Variants in CYTH1 observed in about 807,000 individuals in gnomAD.
CYTH1 encodes cytohesin-1.
CYTH1 carries 18 observed loss-of-function variants against 61.8 expected under a neutral mutation model. That is an observed-to-expected ratio of 0.29 (90% CI 0.20 to 0.43). CYTH1 has a LOEUF of 0.43. Ranked by LOEUF, CYTH1 falls within the 20% of genes least tolerant of loss-of-function variation. The pLI is 1.00. For synonymous variants in CYTH1, 174 were observed against 184.3 expected, an observed-to-expected ratio of 0.94 and a Z score of 0.45; for missense variants, 336 against 510.5, an observed-to-expected ratio of 0.66 and a Z score of 3.29.
At chr17:78,721,113 T>A (rs2144533726) in intron 1 of CYTH1, among the ~76,000 whole-genome samples, 1 of 152,316 alleles carries the variant, frequency 6.6e-6, no homozygotes. Context: ...GTGGATCACC[T>A]GAGGTCAGGT....
At chr17:78,751,688 G>A (rs1036400272) in intron 1 of CYTH1, among the ~76,000 whole-genome samples, 14 of 152,314 alleles carry the variant, frequency 9.2e-5, no homozygotes, top group African/African-American at 3.4e-4. Flanking sequence ...GCTTTAGTGA[G>A]TAGGAAAATT....
chr17:78,766,893 A>C (rs1429850296), intron 1 of CYTH1, among the ~76,000 whole-genome samples: 6 of 152,326 alleles, frequency 3.9e-5, no homozygotes, highest in African/African-American at 1.4e-4. Context: ...GAGCCTGAGA[A>C]ATCTAGCTTG....
At chr17:78,732,266 T>C (rs189387237) in intron 1 of CYTH1, among the ~76,000 whole-genome samples, 17 of 152,332 alleles carry the variant, frequency 1.1e-4, no homozygotes, top group African/African-American at 4.1e-4. Context: ...ACATCCCTCC[T>C]GTCTAATCAG....
At chr17:78,722,887 G>A (rs1034471432) in intron 1 of CYTH1, among the ~76,000 whole-genome samples, 10 of 152,242 alleles carry the variant, frequency 6.6e-5, no homozygotes, top group Non-Finnish European at 1.3e-4. Context: ...CTAGAGGGGA[G>A]ATCACCCTGA....
intron 11 of CYTH1, among the ~76,000 whole-genome samples, chr17:78,684,910 AAG>A (rs1050066263): frequency 2.0e-5 from 3 of 152,206 alleles, no homozygotes; most frequent in African/African-American, 7.2e-5. Flanking sequence ...TGAAAACATT[AAG>A]AGGTCTGACC....
At chr17:78,764,330 G>C in intron 1 of CYTH1, among the ~76,000 whole-genome samples, 1 of 150,962 alleles carries the variant, frequency 6.6e-6, no homozygotes, top group East Asian at 2.0e-4. Flanking sequence ...CTGAGTAGCT[G>C]GGACTACGGG....
chr17:78,684,282 C>T (rs767889229), intron 11 of CYTH1, among the ~76,000 whole-genome samples: 5 of 152,196 alleles, frequency 3.3e-5, no homozygotes, highest in Non-Finnish European at 7.3e-5. Context: ...CTCACGCTAT[C>T]CCTCAGTGCT....
intron 1 of CYTH1, among the ~76,000 whole-genome samples, chr17:78,725,587 G>A (rs987987264): frequency 2.6e-5 from 4 of 152,124 alleles, no homozygotes; most frequent in African/African-American, 7.2e-5. Context: ...GTTCTGACCC[G>A]TGACTCTCTA....
chr17:78,759,996 C>G (rs1433258638), intron 1 of CYTH1, among the ~76,000 whole-genome samples: 1 of 152,138 alleles, frequency 6.6e-6, no homozygotes, highest in East Asian at 1.9e-4. Flanking sequence ...TTTATTCATT[C>G]ACTCATTCCT....
intron 10 of CYTH1, among the ~76,000 whole-genome samples, chr17:78,692,883 G>A (rs1056137871): frequency 6.6e-6 from 1 of 152,092 alleles, no homozygotes; most frequent in African/African-American, 2.4e-5. Flanking sequence ...CCTAGTGCAG[G>A]CTACTCTGCT....
rs565132250 is a variant in CYTH1, at chr17:78,711,226, C to T, written c.23-1494G>A. 6.0e-5 allele frequency among the ~76,000 whole-genome samples: 9 copies of T among 151,134 alleles called. 1 individual carries two copies. In the East Asian group the frequency reaches 1.7e-3, roughly 29 times the overall value. Reference sequence around the variant, plus strand: ...GCAGTGAGCCGAGATCCCGCCATTGCCCTCCAGCCTGGGAGACAGTACAAG... The same window carrying T: ...GCAGTGAGCCGAGATCCCGCCATTGTCCTCCAGCCTGGGAGACAGTACAAG... On this transcript the variant is annotated intron_variant, in intron 1 of 13. Coordinates refer to ENST00000446868, the MANE Select transcript of CYTH1 (RefSeq NM_004762.6).
At chr17:78,773,326 A>G (rs1441867254) in intron 1 of CYTH1, among the ~76,000 whole-genome samples, 1 of 151,974 alleles carries the variant, frequency 6.6e-6, no homozygotes, top group Non-Finnish European at 1.5e-5. Flanking sequence ...GAAAAATTAT[A>G]GTTTCAAAAA....
At chr17:78,742,885 T>C (rs73389857) in intron 1 of CYTH1, among the ~76,000 whole-genome samples, 4,913 of 152,094 alleles carry the variant, frequency 0.032, 269 homozygotes, top group African/African-American at 0.11. Context: ...AAATAAAAAA[T>C]AAAGTGCTAG....
chr17:78,732,159 C>G (rs887414976), intron 1 of CYTH1, among the ~76,000 whole-genome samples: 2 of 152,206 alleles, frequency 1.3e-5, no homozygotes, highest in African/African-American at 2.4e-5. Flanking sequence ...CTGATAAAGG[C>G]TCTTAATGCC....
chr17:78,747,263 G>A (rs2093363294), intron 1 of CYTH1, among the ~76,000 whole-genome samples: 1 of 152,060 alleles, frequency 6.6e-6, no homozygotes, highest in South Asian at 2.1e-4. Context: ...CCTGGGAGGG[G>A]TGGGAAGATA....
At chr17:78,736,439 G>GACACACACACACATAC (rs2093320421) in intron 1 of CYTH1, among the ~76,000 whole-genome samples, 2 of 150,796 alleles carry the variant, frequency 1.3e-5, no homozygotes, top group African/African-American at 2.4e-5. Flanking sequence ...CTCACTCTCT[G>GACACACACACACATAC]ACACACACAC....
intron 1 of CYTH1, among the ~76,000 whole-genome samples, chr17:78,774,034 C>T (rs941155953): frequency 2.6e-5 from 4 of 152,028 alleles, no homozygotes; most frequent in Admixed American, 2.0e-4. Flanking sequence ...TTTGTAACCA[C>T]CAAATTCAGT....
intron 10 of CYTH1, among the ~76,000 whole-genome samples, chr17:78,693,501 AG>A (rs1452621862): frequency 2.0e-5 from 3 of 152,016 alleles, no homozygotes; most frequent in Non-Finnish European, 1.5e-5. Flanking sequence ...ACATGCCTAT[AG>A]TTCCAGCTAC....
At position 78,729,531 on chromosome 17, in the gene CYTH1, G is replaced by T. The variant is rs529941959; in HGVS notation, c.23-19799C>A. On this transcript the variant is annotated intron_variant, in intron 1 of 13. Transcript: ENST00000446868. ...GAGTGGGCTACACAGGCAGTCTCCC[G>T]TGCTGCTGGGAGAGTGTAAACTGGT... 2.0e-5 allele frequency among the ~76,000 whole-genome samples: 3 copies of T among 152,274 alleles called. No homozygotes were observed. The South Asian group carries it at 6.2e-4, about 32-fold the overall frequency.
Sources: allele counts gnomAD v4.1 joint callset (sites outside exome capture counted in the v4.1 genomes callset), GRCh38; gene constraint gnomAD v4.1.1; transcripts MANE v1.5; gene names NCBI Gene and HGNC (gene_info 2026-07-23, HGNC 2026-07-21).